The following PRTG variants were observed in gnomAD, a reference collection of about 807,000 sequenced individuals.
PRTG encodes the protein immunoglobulin superfamily, DCC subclass, member 5.
In PRTG, 67 loss-of-function variants were observed where a neutral mutation model predicts 122.5. The ratio of observed to expected loss-of-function variants is 0.55; its 90% CI spans 0.45 to 0.67. The LOEUF is 0.67. Ranked by LOEUF, PRTG falls within the 30% of genes least tolerant of loss-of-function variation. PRTG has a pLI of 0.00. For synonymous variants in PRTG, 554 were observed against 501.1 expected (o/e 1.11, Z -1.41); for missense variants, 1,435 against 1,415.4 (o/e 1.01, Z -0.22).
At chr15:55,724,080 TTGTTTTGTGGCCCAACA>T (rs1212371096) in intron 2 of PRTG, among the ~76,000 whole-genome samples, 1 of 152,220 alleles carries the variant, frequency 6.6e-6, no homozygotes, top group Non-Finnish European at 1.5e-5. Flanking sequence ...GTACTGAGAC[TTGTTTTGTGGCCCAACA>T]TGTGTTCTAT....
intron 2 of PRTG, among the ~76,000 whole-genome samples, chr15:55,703,713 T>C (rs2029975446): frequency 6.6e-6 from 1 of 152,346 alleles, no homozygotes; most frequent in African/African-American, 2.4e-5. Context: ...TAAATCACTA[T>C]TCACTTTGCC....
chr15:55,730,395 C>G (rs1405017099), intron 2 of PRTG, among the ~76,000 whole-genome samples: 4 of 152,076 alleles, frequency 2.6e-5, no homozygotes, highest in African/African-American at 9.7e-5. Flanking sequence ...TGCCACAGCA[C>G]CTGGCCGTTA....
chr15:55,627,660 G>T (rs1269463584), intron 16 of PRTG, among the ~76,000 whole-genome samples: 1 of 152,020 alleles, frequency 6.6e-6, no homozygotes, highest in Non-Finnish European at 1.5e-5. Flanking sequence ...GATTTTAAAT[G>T]AGTTTTAGAT....
chr15:55,659,265 G>A (rs1367497229), intron 11 of PRTG, among the ~76,000 whole-genome samples: 1 of 152,172 alleles, frequency 6.6e-6, no homozygotes, highest in Non-Finnish European at 1.5e-5. Context: ...ACCCTCGTGG[G>A]ATCACACTAG....
rs2059137145 is a variant in PRTG at position 55,615,288 on chromosome 15, T to G, written c.*4724A>C. The G allele has an allele frequency of 6.6e-6, 1 of 152,106 alleles. No homozygotes were observed. The highest frequency in any genetic ancestry group is 2.4e-5 in the African/African-American group (1 of 41,444). The allele number at this position is 152,106 out of a possible 1,614,324, so 9.4% of individuals were successfully genotyped here. A position where few individuals can be genotyped will look rare whatever the true frequency, so the allele number is the denominator to read the frequency against. The stretch of plus-strand genomic sequence containing the variant: ...TGATCTGCAGAACTTAAGAAAAATT[T>G]GTGTTATTTTAAGCCACCACCTTCA... On this transcript the variant is annotated 3_prime_UTR_variant, in exon 20 of 20. Coordinates refer to ENST00000389286, the MANE Select transcript of PRTG (RefSeq NM_173814.6).
chr15:55,655,387 T>C (rs115824541), intron 11 of PRTG: 413 of 152,298 alleles, frequency 2.7e-3, no homozygotes, highest in African/African-American at 9.5e-3. Context: ...ATTAAGCATA[T>C]AGAATTAAAC....
intron 2 of PRTG, among the ~76,000 whole-genome samples, chr15:55,706,482 G>A (rs1363403301): frequency 6.6e-6 from 1 of 150,590 alleles, no homozygotes; most frequent in Middle Eastern, 3.4e-3. Flanking sequence ...GCCGGGCACA[G>A]TGGCTCATGA....
chr15:55,665,253 CTG>C (rs2059432821), intron 11 of PRTG, among the ~76,000 whole-genome samples: 2 of 151,754 alleles, frequency 1.3e-5, no homozygotes, highest in African/African-American at 4.8e-5. Context: ...GAGCGAGACT[CTG>C]TCTCAAAAAA....
At chr15:55,674,149 T>C (rs1442876202) in intron 9 of PRTG, among the ~76,000 whole-genome samples, 2 of 152,190 alleles carry the variant, frequency 1.3e-5, no homozygotes, top group African/African-American at 4.8e-5. Flanking sequence ...TTGTTTAATA[T>C]AAAAACAGTT....
intron 2 of PRTG, among the ~76,000 whole-genome samples, chr15:55,718,761 G>A (rs2030700077): frequency 6.7e-6 from 1 of 149,402 alleles, no homozygotes; most frequent in South Asian, 2.1e-4. Flanking sequence ...TTTTTTTTTG[G>A]AGACAGAGTC....
In PRTG at chr15:55,618,663, A is replaced by G. The variant is rs2141703792; in HGVS notation, c.*1349T>C. On this transcript the variant is annotated 3_prime_UTR_variant, in exon 20 of 20. Coordinates refer to ENST00000389286, the MANE Select transcript of PRTG (RefSeq NM_173814.6). Reference sequence around the variant, plus strand: ...AGATTAAGTAGATACCATATTCTCTAAAGAATTCAAGAAAACACAAGTAGG... The same window carrying G: ...AGATTAAGTAGATACCATATTCTCTGAAGAATTCAAGAAAACACAAGTAGG... 6.6e-6 allele frequency: 1 copy of G among 152,324 alleles called. No homozygotes were observed. The highest frequency in any genetic ancestry group is 3.4e-3 in the Middle Eastern group (1 of 294). 9.4% of individuals were successfully genotyped at this position (152,324 alleles called of 1,614,324 possible).
intron 2 of PRTG, among the ~76,000 whole-genome samples, chr15:55,694,776 T>TG (rs986653219): frequency 2.0e-5 from 3 of 152,194 alleles, no homozygotes; most frequent in African/African-American, 7.2e-5. Context: ...TTTATTTAAA[T>TG]GGGAAAACAC....
intron 2 of PRTG, among the ~76,000 whole-genome samples, chr15:55,689,698 C>T (rs1467117021): frequency 2.6e-5 from 4 of 151,564 alleles, no homozygotes; most frequent in Non-Finnish European, 5.9e-5. Context: ...GAGGCCAAGG[C>T]GGGTGGATCA....
At chr15:55,622,550 A>G (rs1300871443) in intron 18 of PRTG, among the ~76,000 whole-genome samples, 1 of 45,772 alleles carries the variant, frequency 2.2e-5, no homozygotes, top group Non-Finnish European at 4.6e-5. Context: ...TGACCGGCTA[A>G]TTTTTTTTTT....
intron 16 of PRTG, among the ~76,000 whole-genome samples, chr15:55,628,344 T>G (rs2141717689): frequency 6.6e-6 from 1 of 151,450 alleles, no homozygotes; most frequent in South Asian, 2.1e-4. Context: ...GGGTAGCTCT[T>G]TAAAGATATT....
intron 11 of PRTG, among the ~76,000 whole-genome samples, chr15:55,661,766 T>TG (rs1567088059): frequency 6.6e-6 from 1 of 152,110 alleles, no homozygotes; most frequent in East Asian, 1.9e-4. Context: ...CCCACCACCA[T>TG]TGTCTGCTAG....
chr15:55,642,858 G>A lies in PRTG; in HGVS notation c.2042-1650C>T, dbSNP rs7175330. Among the ~76,000 whole-genome samples the A allele has an allele frequency of 5.7e-3, 861 of 152,186 alleles. 7 individuals are homozygous for A. The highest frequency in any genetic ancestry group is 0.02 in the African/African-American group (829 of 41,514). ...AACCCCACTACTTTGGGAAGTAGAG[G>A]ACAGGAGTTTAAGACTAGCCTGGGC... is the stretch of plus-strand genomic sequence containing the variant. On this transcript the variant is annotated intron_variant, in intron 11 of 19. Coordinates refer to ENST00000389286, the MANE Select transcript of PRTG (RefSeq NM_173814.6).
Position 55,637,205 on chromosome 15 carries a change from C to A in PRTG, c.2588G>T (p.Trp863Leu), listed in dbSNP as rs750335837. 1 of 1,609,300 alleles carries A rather than the reference C, an allele frequency of 6.2e-7. No homozygotes were observed. Among genetic ancestry groups the A allele is most frequent in the Non-Finnish European group, 8.5e-7 (1 of 1,177,948 alleles). Residue 863 changes from tryptophan to leucine, a missense_variant, in exon 15 of 20, where the codon TGG (tryptophan) becomes TTG (leucine). Coordinates refer to ENST00000389286, the MANE Select transcript of PRTG (RefSeq NM_173814.6). ...TAAGACCTGCCACTCTCCTGCAATCCAGGCCTTCCTAGATGCATATAAGAT... is the reference window on the plus strand; with the variant it reads ...TAAGACCTGCCACTCTCCTGCAATCAAGGCCTTCCTAGATGCATATAAGAT... ...YTILYASRKA[W>L]IAGEWQVLHR...
chr15:55,720,133 C>T (rs1160539623), intron 2 of PRTG, among the ~76,000 whole-genome samples: 3 of 151,910 alleles, frequency 2.0e-5, no homozygotes, highest in Non-Finnish European at 2.9e-5. Context: ...AATCCCAGCA[C>T]TTTGGGAGGC....
Sources: gnomAD v4.1 joint callset for allele counts (sites outside exome capture counted in the v4.1 genomes callset) on GRCh38, gnomAD v4.1.1 for gene constraint, MANE v1.5 for transcripts, NCBI Gene and HGNC (gene_info 2026-07-23, HGNC 2026-07-21) for gene names.